The following EIF5B variants were observed in gnomAD, a reference collection of about 807,000 sequenced individuals.
EIF5B encodes the protein eukaryotic translation initiation factor 5B, also known as eIF-5B.
A neutral mutation model predicts 147.5 loss-of-function variants in EIF5B; 47 were observed. That is an observed-to-expected ratio of 0.32 (90% CI 0.25 to 0.41). The LOEUF (loss-of-function observed/expected upper bound fraction) is 0.41, where lower values mean the gene tolerates loss of function less well. Ranked by LOEUF, EIF5B falls within the 10% of genes least tolerant of loss-of-function variation. The pLI is 1.00. For missense variants in EIF5B, 1,064 were observed against 1,413.2 expected (o/e 0.75, Z 3.96); for synonymous variants, 455 against 456.2 (o/e 1.00, Z 0.03).
Position 99,368,565 on chromosome 2 carries a change from T to C in EIF5B, c.1361T>C (p.Ile454Thr). The C allele has an allele frequency of 1.9e-6, 3 of 1,613,546 alleles. No individual in the cohort carries two copies. Among genetic ancestry groups the C allele is most frequent in the Non-Finnish European group, 2.5e-6 (3 of 1,179,698 alleles). The change falls in exon 7 of 24, where the codon ATA becomes ACA. Residue 454 changes from isoleucine (I) to threonine (T), a missense_variant. By Grantham distance (89) the Ile-to-Thr change is moderately conservative. This residue lies in a region of EIF5B where 31 missense variants were observed against 60.1 expected (regional missense o/e 0.52). Coordinates refer to ENST00000289371, the MANE Select transcript of EIF5B (RefSeq NM_015904.4). ...PIYEDKKRKKIPQQLESKEVS... is the reference protein window; with the variant it reads ...PIYEDKKRKKTPQQLESKEVS... ...TATGAAGATAAAAAGAGGAAAAAAA[T>C]ACCACAGCAGCTAGAAAGTAAAGAA... is the stretch of plus-strand genomic sequence containing the variant.
At chr2:99,362,358 A>G (rs1346618083) in intron 4 of EIF5B, among the ~76,000 whole-genome samples, 2 of 152,208 alleles carry the variant, frequency 1.3e-5, no homozygotes, top group African/African-American at 2.4e-5. Context: ...CTTATTTAGA[A>G]TGAAAATAGC....
chr2:99,338,431 A>G (rs144383920), intron 1 of EIF5B: 18 of 908,126 alleles, frequency 2.0e-5, no homozygotes, highest in East Asian at 1.2e-4. Context: ...ACGTTCGTAC[A>G]CTACCCACCA....
rs773108895 is a variant in EIF5B at position 99,360,555 on chromosome 2, A to G, written c.246+6A>G. 2 of 1,610,156 alleles carry G rather than the reference A, an allele frequency of 1.2e-6. No individual in the cohort carries two copies. The highest frequency in any genetic ancestry group is 8.5e-7 in the Non-Finnish European group (1 of 1,178,792). On this transcript the variant is annotated splice_donor_region_variant and intron_variant, in intron 3 of 23. Transcript: ENST00000289371. ...GAGAAACTGTTGCAGTGAAGGTGAAAGACAGACCTTTGTTACCTATTCGTA... is the reference window on the plus strand; with the variant it reads ...GAGAAACTGTTGCAGTGAAGGTGAAGGACAGACCTTTGTTACCTATTCGTA...
Position 99,369,395 on chromosome 2 carries a change from C to A in EIF5B, c.1391C>A (p.Ser464Tyr). 1.2e-6 allele frequency: 2 copies of A among 1,608,414 alleles called. No homozygotes were observed. The highest frequency in any genetic ancestry group is 2.2e-5 in the South Asian group (2 of 89,940). The change falls in exon 8 of 24, where the codon TCT becomes TAT. Residue 464 changes from serine (S) to tyrosine (Y), a missense_variant. Transcript: ENST00000289371. Reference sequence around the variant, plus strand: ...TTGGTTTCTGCCCCTTTTTCAGTGTCTGAATCAATGGAATTATGTGCTGCT... The same window carrying A: ...TTGGTTTCTGCCCCTTTTTCAGTGTATGAATCAATGGAATTATGTGCTGCT... ...IPQQLESKEVSESMELCAAVE... is the reference protein window; with the variant it reads ...IPQQLESKEVYESMELCAAVE...
At chr2:99,397,507 CTGT>C (rs1675079366) in intron 22 of EIF5B, 1 of 152,180 alleles carries the variant, frequency 6.6e-6, no homozygotes, top group African/African-American at 2.4e-5. Flanking sequence ...TGAAGTGTCC[CTGT>C]TGTTTTGCAA....
chr2:99,388,830 C>T (rs78796718), intron 14 of EIF5B, among the ~76,000 whole-genome samples: 1,676 of 152,160 alleles, frequency 0.011, 9 homozygotes, highest in Middle Eastern at 0.024. Context: ...CCTCCTAAGA[C>T]GAGTTGAGAA....
Position 99,400,034 on chromosome 2 carries a change from A to AAAC in EIF5B, c.*621_*623dup, listed in dbSNP as rs1451310668. 3 of 152,300 alleles carry AAAC rather than the reference A, an allele frequency of 2.0e-5. No individual in the cohort carries two copies. The highest frequency in any genetic ancestry group is 7.2e-5 in the African/African-American group (3 of 41,394). 9.4% of individuals were successfully genotyped at this position (152,300 alleles called of 1,614,324 possible). On this transcript the variant is annotated 3_prime_UTR_variant, in exon 24 of 24. Coordinates refer to ENST00000289371, the MANE Select transcript of EIF5B (RefSeq NM_015904.4). ...ATTGTAATCATCACAATTCTAAACC[A>AAAC]AACTACCAATAAAGAAAACAGACAT...
chr2:99,391,619 A>G (rs1674931615), intron 17 of EIF5B, among the ~76,000 whole-genome samples: 1 of 152,080 alleles, frequency 6.6e-6, no homozygotes, highest in Non-Finnish European at 1.5e-5. Flanking sequence ...GACAGTAACA[A>G]ATATCCTTGC....
intron 1 of EIF5B, among the ~76,000 whole-genome samples, chr2:99,338,072 A>G (rs972376044): frequency 6.6e-6 from 1 of 152,226 alleles, no homozygotes; most frequent in African/African-American, 2.4e-5. Flanking sequence ...GGTGTTTAGC[A>G]GTTCGCTGTC....
chr2:99,378,015 A>G (rs746405462), intron 10 of EIF5B, among the ~76,000 whole-genome samples: 4 of 152,200 alleles, frequency 2.6e-5, no homozygotes, highest in Non-Finnish European at 5.9e-5. Flanking sequence ...TTTCAGCCAT[A>G]TCAAATAAAG....
At chr2:99,337,674 G>T in intron 1 of EIF5B, 85 bp downstream of exon 1, 2 of 1,491,942 alleles carry the variant, frequency 1.3e-6, no homozygotes, top group Non-Finnish European at 1.8e-6. Flanking sequence ...GTCGGACCGG[G>T]GTCTGGGCTC....
intron 21 of EIF5B, among the ~76,000 whole-genome samples, chr2:99,396,037 C>T (rs561697211): frequency 1.3e-5 from 2 of 152,256 alleles, no homozygotes; most frequent in South Asian, 2.1e-4. Context: ...AAGAGCCTGT[C>T]AGGAGGCTCC....
intron 16 of EIF5B, 40 bp downstream of exon 16, chr2:99,390,441 T>TAA (rs1553536651): frequency 7.7e-6 from 12 of 1,554,030 alleles, no homozygotes; most frequent in South Asian, 4.9e-5. Flanking sequence ...TTTTTTTTTT[T>TAA]AAAAATAGCA....
chr2:99,379,153 G>A (rs760433634), intron 11 of EIF5B, 27 bp downstream of exon 11: 37 of 1,554,416 alleles, frequency 2.4e-5, no homozygotes, highest in Non-Finnish European at 3.1e-5. Flanking sequence ...TGTATTGATA[G>A]AACTTTGAAA....
chr2:99,390,112 G>T, intron 15 of EIF5B, 107 bp from the exon 16 acceptor site: 1 of 1,284,898 alleles, frequency 7.8e-7, no homozygotes, highest in South Asian at 1.3e-5. Context: ...TGTTTATGAG[G>T]AGTTTCAAAA....
chr2:99,368,436 C>A, intron 6 of EIF5B, 57 bp from the exon 7 acceptor site: 1 of 1,243,374 alleles, frequency 8.0e-7, no homozygotes, highest in Non-Finnish European at 1.2e-6. Context: ...TTAAATAGTA[C>A]TTCTCAGGTG....
chr2:99,364,753 C>T (rs1369385389), intron 6 of EIF5B, among the ~76,000 whole-genome samples: 1 of 152,120 alleles, frequency 6.6e-6, no homozygotes, highest in Non-Finnish European at 1.5e-5. Context: ...TGTTTTGTAC[C>T]TCTCCATCTA....
At position 99,399,558 on chromosome 2, in the gene EIF5B, T is replaced by G; in HGVS notation, c.*144T>G. 1 of 700,156 alleles carries G rather than the reference T, an allele frequency of 1.4e-6. No homozygotes were observed. Among genetic ancestry groups the G allele is most frequent in the Non-Finnish European group, 2.4e-6 (1 of 425,486 alleles). The allele number at this position is 700,156 out of a possible 1,614,324, so 43.4% of individuals were successfully genotyped here. A position where few individuals can be genotyped will look rare whatever the true frequency, so the allele number is the denominator to read the frequency against. ...GAAGAAAAATAGGTGTATAAAATGT[T>G]TTCCATGAGAAACCAAGAAACTTAC... On this transcript the variant is annotated 3_prime_UTR_variant, in exon 24 of 24. Coordinates refer to ENST00000289371, the MANE Select transcript of EIF5B (RefSeq NM_015904.4).
At position 99,349,988 on chromosome 2, in the gene EIF5B, T is replaced by C. The variant is rs976399901; in HGVS notation, c.36-10248T>C. 2.0e-5 allele frequency among the ~76,000 whole-genome samples: 3 copies of C among 152,324 alleles called. No homozygotes were observed. In the South Asian group the frequency reaches 6.2e-4, roughly 32 times the overall value. ...ATCTGGTAACCACTATTCTACTCTT[T>C]ACTTTTATGAAATCAACTTTTTTTG... On this transcript the variant is annotated intron_variant, in intron 1 of 23. Coordinates refer to ENST00000289371, the MANE Select transcript of EIF5B (RefSeq NM_015904.4).
Sources: allele counts gnomAD v4.1 joint callset (sites outside exome capture counted in the v4.1 genomes callset), GRCh38; gene constraint gnomAD v4.1.1; regional missense constraint gnomAD v4.1.1; transcripts MANE v1.5; gene names NCBI Gene and HGNC (gene_info 2026-07-23, HGNC 2026-07-21).